Variants in FAM20C observed in about 807,000 individuals in gnomAD.
FAM20C encodes FAM20C golgi associated secretory pathway kinase, also known as extracellular serine/threonine protein kinase FAM20C.
In FAM20C, 40 loss-of-function variants were observed where a neutral mutation model predicts 51.5. The ratio of observed to expected loss-of-function variants is 0.78; its 90% confidence interval spans 0.60 to 1.01. FAM20C has a LOEUF of 1.01. FAM20C is among the 50% of genes least tolerant of loss of function. The pLI is 0.00. For missense variants in FAM20C, 861 were observed against 844.7 expected (o/e 1.02, Z -0.24); for synonymous variants, 406 against 380.6 (o/e 1.07, Z -0.78).
intron 3 of FAM20C, among the ~76,000 whole-genome samples, chr7:236,214 G>A (rs1281347769): frequency 1.0e-5 from 1 of 98,330 alleles, no homozygotes; most frequent in Admixed American, 8.2e-5. Context: ...TCCTGGCCGA[G>A]GTGAGAGGCC....
intron 8 of FAM20C, 63 bp from the exon 9 acceptor site, chr7:258,583 G>A (rs1262286566): frequency 1.3e-6 from 2 of 1,510,096 alleles, no homozygotes; most frequent in Non-Finnish European, 1.8e-6. Context: ...CCAGCTCCCA[G>A]CCCAGCAGCC....
intron 5 of FAM20C, among the ~76,000 whole-genome samples, chr7:254,159 G>A (rs947060705): frequency 1.1e-4 from 16 of 152,172 alleles, no homozygotes; most frequent in Admixed American, 7.2e-4. Flanking sequence ...GGGCCAGGTC[G>A]GCCTGGCACC....
intron 3 of FAM20C, among the ~76,000 whole-genome samples, chr7:217,939 A>G (rs1190668769): frequency 6.6e-6 from 1 of 151,972 alleles, no homozygotes; most frequent in Non-Finnish European, 1.5e-5. Flanking sequence ...TGTTCTATTG[A>G]TGTTCCTGTT....
At chr7:218,893 C>T (rs922815362) in intron 3 of FAM20C, among the ~76,000 whole-genome samples, 14 of 151,614 alleles carry the variant, frequency 9.2e-5, no homozygotes, top group Non-Finnish European at 1.5e-4. Flanking sequence ...GGAGCTGACA[C>T]GGGCCCAGGA....
Position 260,771 on chromosome 7 carries a change from C to T in FAM20C, c.*791C>T, listed in dbSNP as rs190165180. ...TGTCGGCCTCACGGGGCGGGTCCCT[C>T]ACACCCTGGTGTGTGGCTGCCTGTC... On this transcript the variant is annotated 3_prime_UTR_variant, in exon 10 of 10. Coordinates refer to ENST00000313766, the MANE Select transcript of FAM20C (RefSeq NM_020223.4). 1.3e-5 allele frequency: 2 copies of T among 152,362 alleles called. No individual in the cohort carries two copies. Among genetic ancestry groups the T allele is most frequent in the Non-Finnish European group, 2.9e-5 (2 of 68,052 alleles). The allele number at this position is 152,362 out of a possible 1,614,324, so 9.4% of individuals were successfully genotyped here.
At chr7:229,807 T>A (rs184401300) in intron 3 of FAM20C, among the ~76,000 whole-genome samples, 11 of 152,204 alleles carry the variant, frequency 7.2e-5, no homozygotes, top group Admixed American at 3.3e-4. Flanking sequence ...TTCTGCTGTG[T>A]GAGTGATGAG....
intron 5 of FAM20C, 66 bp from the exon 6 acceptor site, chr7:255,783 C>T (rs945056103): frequency 1.7e-5 from 26 of 1,516,046 alleles, no homozygotes; most frequent in East Asian, 9.8e-5. Flanking sequence ...CCTTGGGGGC[C>T]GTGAGACCAC....
intron 5 of FAM20C, among the ~76,000 whole-genome samples, chr7:251,575 C>G (rs1442218939): frequency 6.6e-6 from 1 of 152,160 alleles, no homozygotes; most frequent in Non-Finnish European, 1.5e-5. Flanking sequence ...TAAGTCACCT[C>G]TATGTCCCAT....
rs550063932 is a variant in FAM20C, at chr7:207,774, C to T, written c.785-1124C>T. 9.2e-5 allele frequency among the ~76,000 whole-genome samples: 14 copies of T among 152,314 alleles called. No individual in the cohort carries two copies. In the South Asian group the frequency reaches 2.1e-3, roughly 23 times the overall value. On this transcript the variant is annotated intron_variant, in intron 2 of 9. Coordinates refer to ENST00000313766, the MANE Select transcript of FAM20C (RefSeq NM_020223.4). The stretch of plus-strand genomic sequence containing the variant: ...GCGCGTGACAATCTCCCATCTCGGG[C>T]GACCTGGAGGCCCTCGCTGTGGCCA...
At chr7:228,464 G>C (rs1409897097) in intron 3 of FAM20C, 3 of 456,180 alleles carry the variant, frequency 6.6e-6, no homozygotes, top group Admixed American at 2.3e-5. Flanking sequence ...TCACGGCTCA[G>C]TGTGGGGTCA....
At chr7:236,721 G>A (rs1259627283) in intron 3 of FAM20C, among the ~76,000 whole-genome samples, 2 of 150,946 alleles carry the variant, frequency 1.3e-5, no homozygotes, top group Non-Finnish European at 3.0e-5. Flanking sequence ...GAGGTGAGGC[G>A]GGTGCCCTGG....
intron 3 of FAM20C, among the ~76,000 whole-genome samples, chr7:242,949 T>C (rs1051681347): frequency 6.6e-6 from 1 of 151,688 alleles, no homozygotes; most frequent in Non-Finnish European, 1.5e-5. Flanking sequence ...ACAAGAAACC[T>C]GTGCCACCCG....
chr7:194,153 G>T, intron 1 of FAM20C: 1 of 254,916 alleles, frequency 3.9e-6, no homozygotes, highest in Non-Finnish European at 7.5e-6. Flanking sequence ...CCAGGCTGCC[G>T]CTGGGCTTTC....
chr7:195,709 G>A lies in FAM20C; in HGVS notation c.761G>A (p.Ser254Asn). 1 of 1,608,084 alleles carries A rather than the reference G, an allele frequency of 6.2e-7. No individual in the cohort carries two copies. Among genetic ancestry groups the A allele is most frequent in the Non-Finnish European group, 8.5e-7 (1 of 1,177,066 alleles). ...ATCGAGGCCCTGCTGCACGACCTCA[G>A]CTCCCAGAGGATCACCAGCGTGGGT... ...PAIEALLHDL[S>N]SQRITSVAMK... is the part of the protein sequence containing the mutation. The change falls in exon 2 of 10, where the codon AGC becomes AAC. Residue 254 changes from serine to asparagine, a missense_variant. By Grantham distance (46) the Ser-to-Asn change is conservative (BLOSUM62 1). This residue lies in a region of FAM20C where 561 missense variants were observed against 499.8 expected (regional missense o/e 1.12). Coordinates refer to ENST00000313766, the MANE Select transcript of FAM20C (RefSeq NM_020223.4).
intron 9 of FAM20C, 113 bp from the exon 10 acceptor site, chr7:259,616 TTC>T (rs1450634852): frequency 2.7e-6 from 3 of 1,119,884 alleles, no homozygotes; most frequent in Non-Finnish European, 2.2e-6. Flanking sequence ...GTCCCCCTCT[TTC>T]TCTCTCTGTC....
At chr7:218,901 GGACGCA>G (rs1787125251) in intron 3 of FAM20C, among the ~76,000 whole-genome samples, 1 of 151,826 alleles carries the variant, frequency 6.6e-6, no homozygotes, top group African/African-American at 2.4e-5. Context: ...CACGGGCCCA[GGACGCA>G]CAGATCACTC....
intron 2 of FAM20C, among the ~76,000 whole-genome samples, chr7:207,964 G>A (rs1223933505): frequency 2.6e-5 from 4 of 152,256 alleles, no homozygotes; most frequent in Non-Finnish European, 4.4e-5. Flanking sequence ...GCTGGAGGGA[G>A]GCTACTGGAG....
In FAM20C at chr7:260,531, T is replaced by C. The variant is rs1326434862; in HGVS notation, c.*551T>C. The C allele has an allele frequency of 6.6e-6, 1 of 152,316 alleles. No homozygotes were observed. The highest frequency in any genetic ancestry group is 1.5e-5 in the Non-Finnish European group (1 of 68,104). The allele number at this position is 152,316 out of a possible 1,614,324, so 9.4% of individuals were successfully genotyped here. On this transcript the variant is annotated 3_prime_UTR_variant, in exon 10 of 10. Transcript: ENST00000313766. ...GCTGGACGTCTGGCCTGTGCGCTGG[T>C]GGACGGATGCCTACGTGGTTTTGGA...
chr7:257,123 G>T, intron 8 of FAM20C, 37 bp downstream of exon 8: 4 of 1,529,398 alleles, frequency 2.6e-6, no homozygotes, highest in Non-Finnish European at 3.5e-6. Flanking sequence ...CCAGGGAAGG[G>T]CCGGCCACCT....
Sources: gnomAD v4.1 joint callset for allele counts (sites outside exome capture counted in the v4.1 genomes callset) on GRCh38, gnomAD v4.1.1 for gene constraint, gnomAD v4.1.1 regional missense constraint, MANE v1.5 for transcripts, NCBI Gene and HGNC (gene_info 2026-07-23, HGNC 2026-07-21) for gene names.